CENPP: variants seen among roughly 807,000 people sequenced by gnomAD.
CENPP encodes the protein centromere protein P.
A neutral mutation model predicts 35.6 loss-of-function variants in CENPP; 24 were observed. That is an observed-to-expected ratio of 0.67 (90% CI 0.49 to 0.95). The LOEUF is 0.95. Ranked by LOEUF, CENPP falls within the 40% of genes least tolerant of loss-of-function variation. CENPP has a pLI of 0.00. For synonymous variants in CENPP, 120 were observed against 125.5 expected (o/e 0.96, Z 0.29); for missense variants, 332 against 345.3 (o/e 0.96, Z 0.31).
intron 5 of CENPP, chr9:92,416,550 A>C: frequency 1.0e-6 from 1 of 1,003,550 alleles, no homozygotes; most frequent in South Asian, 1.8e-5. Context: ...AGCTTATTGA[A>C]TATTTTTTTC....
At chr9:92,526,690 A>G (rs1248885711) in intron 5 of CENPP, among the ~76,000 whole-genome samples, 1 of 151,982 alleles carries the variant, frequency 6.6e-6, no homozygotes, top group Non-Finnish European at 1.5e-5. Context: ...GAGGAATGCT[A>G]TTACAAAAGA....
At chr9:92,452,025 A>C (rs1465569653) in intron 5 of CENPP, among the ~76,000 whole-genome samples, 1 of 149,032 alleles carries the variant, frequency 6.7e-6, no homozygotes, top group Non-Finnish European at 1.5e-5. Context: ...TTCTAGATAT[A>C]CAATCATGTC....
intron 4 of CENPP, among the ~76,000 whole-genome samples, chr9:92,353,578 G>A (rs1841518924): frequency 6.6e-6 from 1 of 152,194 alleles, no homozygotes; most frequent in African/African-American, 2.4e-5. Flanking sequence ...AGTCATCCCA[G>A]CCAACACTGT....
chr9:92,492,189 G>A (rs569839532), intron 5 of CENPP, among the ~76,000 whole-genome samples: 1 of 152,294 alleles, frequency 6.6e-6, no homozygotes, highest in South Asian at 2.1e-4. Context: ...ACACAAATAT[G>A]CTGCCAAAAA....
chr9:92,493,286 C>A (rs1846224062), intron 5 of CENPP, among the ~76,000 whole-genome samples: 1 of 152,196 alleles, frequency 6.6e-6, no homozygotes, highest in East Asian at 1.9e-4. Flanking sequence ...CTGAAAACCA[C>A]TGATCTGTTC....
chr9:92,384,198 ATAAT>A (rs1397566981), intron 5 of CENPP: 1 of 152,206 alleles, frequency 6.6e-6, no homozygotes, highest in Admixed American at 6.5e-5. Context: ...TGTTAGAATA[ATAAT>A]TGTGTTCTTA....
At position 92,619,671 on chromosome 9, in the gene CENPP, A is replaced by G. The variant is rs1380008411; in HGVS notation, c.*6522A>G. On this transcript the variant is annotated 3_prime_UTR_variant, in exon 8 of 8. Transcript: ENST00000375587. ...GTGTGGGAACTGCTTCCTGCCTCAG[A>G]ACCTGAGGGTGGGATTAGGAGCGAG... The G allele has an allele frequency of 3.9e-6, 4 of 1,027,784 alleles. No homozygotes were observed. Among genetic ancestry groups the G allele is most frequent in the South Asian group, 1.4e-5 (1 of 72,618 alleles). 63.7% of individuals were successfully genotyped at this position (1,027,784 alleles called of 1,614,324 possible).
intron 5 of CENPP, among the ~76,000 whole-genome samples, chr9:92,599,769 A>ACTATAAT (rs954907531): frequency 6.6e-6 from 1 of 151,998 alleles, no homozygotes; most frequent in Admixed American, 6.6e-5. Context: ...GTCACTTCCC[A>ACTATAAT]AGAGAAAGCA....
In CENPP at chr9:92,619,955, C is replaced by T. The variant is rs938067436; in HGVS notation, c.*6806C>T. 2.0e-5 allele frequency: 5 copies of T among 250,648 alleles called. No individual in the cohort carries two copies. The highest frequency in any genetic ancestry group is 1.6e-3 in the Middle Eastern group (1 of 640). The allele number at this position is 250,648 out of a possible 1,614,324, so 15.5% of individuals were successfully genotyped here. A position where few individuals can be genotyped will look rare whatever the true frequency, so the allele number is the denominator to read the frequency against. Reference sequence around the variant, plus strand: ...AGAGTATCAAGTGAGTATCACTCGACACCTGCAAGGAGAGCGCAGGGGGTG... The same window carrying T: ...AGAGTATCAAGTGAGTATCACTCGATACCTGCAAGGAGAGCGCAGGGGGTG... On this transcript the variant is annotated 3_prime_UTR_variant, in exon 8 of 8. Transcript: ENST00000375587.
At chr9:92,381,377 C>T (rs1842239415) in intron 5 of CENPP, among the ~76,000 whole-genome samples, 1 of 151,686 alleles carries the variant, frequency 6.6e-6, no homozygotes, top group Admixed American at 6.6e-5. Context: ...TTGACTGTCC[C>T]TGGCTCAGGT....
At chr9:92,439,128 C>T (rs1844320008) in intron 5 of CENPP, among the ~76,000 whole-genome samples, 1 of 152,094 alleles carries the variant, frequency 6.6e-6, no homozygotes, top group Non-Finnish European at 1.5e-5. Context: ...AGTATTTCAT[C>T]TTTTTGTTTT....
intron 5 of CENPP, among the ~76,000 whole-genome samples, chr9:92,454,524 A>C (rs1376178341): frequency 6.6e-6 from 1 of 152,164 alleles, no homozygotes; most frequent in African/African-American, 2.4e-5. Context: ...ATTTTTTGTT[A>C]CATTGTAGAA....
chr9:92,478,445 T>G (rs550545153), intron 5 of CENPP, among the ~76,000 whole-genome samples: 83 of 152,262 alleles, frequency 5.5e-4, no homozygotes, highest in Non-Finnish European at 8.2e-4. Context: ...TTTGTTTTTT[T>G]GGGGTTTTTT....
chr9:92,579,462 C>A, intron 5 of CENPP, among the ~76,000 whole-genome samples: 2 of 150,566 alleles, frequency 1.3e-5, no homozygotes. Flanking sequence ...TTGTTTGTAT[C>A]CTCTTTTATT....
intron 5 of CENPP, chr9:92,459,691 A>T (rs754369253): frequency 1.2e-6 from 2 of 1,613,034 alleles, no homozygotes; most frequent in East Asian, 4.5e-5. Flanking sequence ...TTGTTTTCCA[A>T]ATGTATTTCT....
At chr9:92,465,601 T>C (rs2131057919) in intron 5 of CENPP, among the ~76,000 whole-genome samples, 1 of 152,232 alleles carries the variant, frequency 6.6e-6, no homozygotes, top group South Asian at 2.1e-4. Flanking sequence ...GTGTCAGAAA[T>C]AAAATCAGGT....
intron 5 of CENPP, among the ~76,000 whole-genome samples, chr9:92,518,778 AC>A (rs1020389364): frequency 6.6e-6 from 1 of 152,168 alleles, no homozygotes; most frequent in African/African-American, 2.4e-5. Flanking sequence ...AGTCCCAGCT[AC>A]TCAGAAAGCT....
At position 92,468,548 on chromosome 9, in the gene CENPP, C is replaced by T. The variant is rs575833950; in HGVS notation, c.564+88689C>T. ...GACTGTATCATCCTTTGTGTAAGAA[C>T]CCAAGTGCCAAACAAGCAGCTAAAA... On this transcript the variant is annotated intron_variant, in intron 5 of 7. Coordinates refer to ENST00000375587, the MANE Select transcript of CENPP (RefSeq NM_001012267.3). Among the ~76,000 whole-genome samples the T allele has an allele frequency of 3.4e-4, 51 of 152,224 alleles. 2 individuals carry two copies. Among genetic ancestry groups the T allele is most frequent in the Admixed American group, 1.3e-3 (20 of 15,298 alleles).
intron 2 of CENPP, 104 bp from the exon 3 acceptor site, chr9:92,337,437 C>T: frequency 1.5e-6 from 1 of 670,090 alleles, no homozygotes. Context: ...CACACTTTCA[C>T]ACATATACCC....
Sources: gnomAD v4.1 joint callset for allele counts (sites outside exome capture counted in the v4.1 genomes callset) on GRCh38, gnomAD v4.1.1 for gene constraint, MANE v1.5 for transcripts, NCBI Gene and HGNC (gene_info 2026-07-23, HGNC 2026-07-21) for gene names.